The following CUX1 variants were observed in gnomAD, a reference collection of about 807,000 sequenced individuals.
CUX1 encodes the protein protein CASP.
CUX1 carries 31 observed loss-of-function variants against 158.8 expected under a neutral mutation model. The observed-to-expected ratio is 0.20, with a 90% CI of 0.15 to 0.26. The LOEUF is 0.26. Ranked by LOEUF, CUX1 falls within the 10% of genes least tolerant of loss-of-function variation. The pLI, the probability that CUX1 is intolerant of heterozygous loss-of-function variation, is 1.00. For missense variants in CUX1, 1,589 were observed against 2,014.6 expected, an observed-to-expected ratio of 0.79 and a Z score of 4.04; for synonymous variants, 879 against 862.1, an observed-to-expected ratio of 1.02 and a Z score of -0.34.
At chr7:101,917,199 T>C (rs1360856283) in intron 2 of CUX1, among the ~76,000 whole-genome samples, 1 of 152,236 alleles carries the variant, frequency 6.6e-6, no homozygotes, top group East Asian at 1.9e-4. Context: ...GCCCCTCTCT[T>C]ACTTACATAA....
At chr7:102,140,103 A>C (rs1834288911) in intron 8 of CUX1, among the ~76,000 whole-genome samples, 1 of 152,190 alleles carries the variant, frequency 6.6e-6, no homozygotes, top group Admixed American at 6.5e-5. Context: ...TAAAGCTCTT[A>C]AGTGAAGTCT....
intron 1 of CUX1, among the ~76,000 whole-genome samples, chr7:101,849,889 A>G (rs1277692070): frequency 6.7e-6 from 1 of 149,420 alleles, no homozygotes; most frequent in African/African-American, 2.5e-5. Flanking sequence ...CCGGTATGAG[A>G]CAGTATCTCA....
chr7:102,256,286 G>A lies in CUX1; in HGVS notation c.*7244G>A. 1 of 985,378 alleles carries A rather than the reference G, an allele frequency of 1.0e-6. No homozygotes were observed. The highest frequency in any genetic ancestry group is 1.2e-6 in the Non-Finnish European group (1 of 829,936). The allele number at this position is 985,378 out of a possible 1,614,324, so 61.0% of individuals were successfully genotyped here. A position where few individuals can be genotyped will look rare whatever the true frequency, so the allele number is the denominator to read the frequency against. On this transcript the variant is annotated 3_prime_UTR_variant, in exon 24 of 24. Coordinates refer to ENST00000292535, the MANE Select transcript of CUX1 (RefSeq NM_181552.4). ...GCTACTGACCTGCCGGCGTGCGTGA[G>A]GGTGATTATAAAAGGATGTTTCCTT...
At chr7:102,196,504 C>A in intron 14 of CUX1, 130 bp from the exon 15 acceptor site, 1 of 798,558 alleles carries the variant, frequency 1.3e-6, no homozygotes, top group Non-Finnish European at 1.9e-6. Context: ...ACCTCATTGG[C>A]CCTTGTAAAA....
Position 102,254,754 on chromosome 7 carries a change from C to A in CUX1, c.*5712C>A. 1.0e-6 allele frequency: 1 copy of A among 985,460 alleles called. No homozygotes were observed. The highest frequency in any genetic ancestry group is 1.2e-6 in the Non-Finnish European group (1 of 829,970). The allele number at this position is 985,460 out of a possible 1,614,324, so 61.0% of individuals were successfully genotyped here. A position where few individuals can be genotyped will look rare whatever the true frequency, so the allele number is the denominator to read the frequency against. Reference sequence around the variant, plus strand: ...AGGGCAGGGCTTGTGCCCTGAGTGGCGAGGTGGTGACCTGAGGCCAGTGTG... The same window carrying A: ...AGGGCAGGGCTTGTGCCCTGAGTGGAGAGGTGGTGACCTGAGGCCAGTGTG... On this transcript the variant is annotated 3_prime_UTR_variant, in exon 24 of 24. Coordinates refer to ENST00000292535, the MANE Select transcript of CUX1 (RefSeq NM_181552.4).
chr7:101,895,891 G>GTTTT (rs66481506), intron 1 of CUX1, among the ~76,000 whole-genome samples: 4 of 112,716 alleles, frequency 3.5e-5, no homozygotes, highest in African/African-American at 1.1e-4. Flanking sequence ...CACCTGTAAA[G>GTTTT]TTTTTTTTTT....
intron 5 of CUX1, among the ~76,000 whole-genome samples, chr7:102,098,439 C>G (rs187856582): frequency 7.1e-4 from 108 of 152,192 alleles, no homozygotes; most frequent in African/African-American, 2.2e-3. Context: ...TAGCAATACT[C>G]TGTCTCTACA....
intron 1 of CUX1, among the ~76,000 whole-genome samples, chr7:101,896,264 G>T (rs1414671456): frequency 6.6e-6 from 1 of 152,100 alleles, no homozygotes; most frequent in Non-Finnish European, 1.5e-5. Flanking sequence ...CTTGCAGGTC[G>T]TGGGCAGCCT....
At position 102,249,007 on chromosome 7, in the gene CUX1, G is replaced by T; in HGVS notation, c.4483G>T (p.Ala1495Ser). The part of the protein sequence containing the change: ...NSIIHRLEKA[A>S]SREEPIEWEF ...CATCATCCACCGCCTGGAGAAGGCCGCCAGCCGGGAGGAACCTATCGAATG... is the reference window on the plus strand; with the variant it reads ...CATCATCCACCGCCTGGAGAAGGCCTCCAGCCGGGAGGAACCTATCGAATG... The change falls in exon 24 of 24, where the codon GCC becomes TCC. Residue 1495 changes from alanine to serine, a missense_variant. Ala to Ser is a moderately conservative substitution (Grantham distance 99). Coordinates refer to ENST00000292535, the MANE Select transcript of CUX1 (RefSeq NM_181552.4). 1 of 1,399,852 alleles carries T rather than the reference G, an allele frequency of 7.1e-7. No homozygotes were observed. Among genetic ancestry groups the T allele is most frequent in the Non-Finnish European group, 9.4e-7 (1 of 1,065,546 alleles). 86.7% of individuals were successfully genotyped at this position (1,399,852 alleles called of 1,614,324 possible).
intron 3 of CUX1, among the ~76,000 whole-genome samples, chr7:102,058,812 C>T (rs1274514518): frequency 2.0e-5 from 3 of 152,174 alleles, no homozygotes; most frequent in Admixed American, 6.5e-5. Context: ...GGGATTTACC[C>T]GAGGGAGGTA....
intron 23 of CUX1, among the ~76,000 whole-genome samples, chr7:102,246,713 G>T (rs1013565898): frequency 5.3e-5 from 8 of 152,098 alleles, no homozygotes; most frequent in African/African-American, 1.9e-4. Flanking sequence ...GGGATTACAG[G>T]TACCTGCCAC....
At chr7:102,026,406 A>G (rs1225065192) in intron 2 of CUX1, among the ~76,000 whole-genome samples, 1 of 152,160 alleles carries the variant, frequency 6.6e-6, no homozygotes, top group Non-Finnish European at 1.5e-5. Flanking sequence ...GAATAAGAAG[A>G]CTTTTTCATC....
chr7:101,823,494 C>T (rs533441038), intron 1 of CUX1, among the ~76,000 whole-genome samples: 4 of 152,244 alleles, frequency 2.6e-5, no homozygotes, highest in South Asian at 2.1e-4. Context: ...CTCCATCAGC[C>T]GAAGCTTGAG....
At chr7:101,952,938 C>T (rs1288185814) in intron 2 of CUX1, among the ~76,000 whole-genome samples, 1 of 152,198 alleles carries the variant, frequency 6.6e-6, no homozygotes, top group Non-Finnish European at 1.5e-5. Flanking sequence ...ACATTTTATC[C>T]GTCTGTTTAC....
chr7:101,979,657 C>CT lies in CUX1; in HGVS notation c.142-48431dup, dbSNP rs1003201476. On this transcript the variant is annotated intron_variant, in intron 2 of 23. Coordinates refer to ENST00000292535, the MANE Select transcript of CUX1 (RefSeq NM_181552.4). The stretch of plus-strand genomic sequence containing the variant: ...GGCTCAGGTGTTTTCTTTCTTTTTT[C>CT]TTTTTTTTTTGAGACGGAGTCTTGC... Among the ~76,000 whole-genome samples the CT allele has an allele frequency of 2.3e-3, 335 of 148,684 alleles. 1 individual carries two copies. The East Asian group carries it at 0.03, about 13-fold the overall frequency.
chr7:102,006,786 A>G (rs1372336150), intron 2 of CUX1, among the ~76,000 whole-genome samples: 1 of 152,224 alleles, frequency 6.6e-6, no homozygotes, highest in Non-Finnish European at 1.5e-5. Flanking sequence ...TGACGGGCAG[A>G]TGTGGAATAA....
chr7:102,010,414 A>C (rs1168308709), intron 2 of CUX1, among the ~76,000 whole-genome samples: 1 of 151,882 alleles, frequency 6.6e-6, no homozygotes, highest in Non-Finnish European at 1.5e-5. Context: ...AAAAAAAAAA[A>C]AAACTGACTT....
In CUX1 at chr7:102,071,037, C is replaced by G. The variant is rs1000071967; in HGVS notation, c.268+620C>G. 5.1e-4 allele frequency among the ~76,000 whole-genome samples: 77 copies of G among 152,238 alleles called. 1 individual carries two copies. Among genetic ancestry groups the G allele is most frequent in the African/African-American group, 1.6e-3 (67 of 41,542 alleles). On this transcript the variant is annotated intron_variant, in intron 4 of 23. Coordinates refer to ENST00000292535, the MANE Select transcript of CUX1 (RefSeq NM_181552.4). ...GTGGCACAATCTCCGCTCACTGCAA[C>G]CTGCACCTCCCGGGCTCAAGCGATC... is the stretch of plus-strand genomic sequence containing the variant.
intron 3 of CUX1, among the ~76,000 whole-genome samples, chr7:102,066,733 A>T (rs1339508407): frequency 6.6e-6 from 1 of 152,206 alleles, no homozygotes; most frequent in Non-Finnish European, 1.5e-5. Flanking sequence ...CTCTCTTAGA[A>T]GAGCCCCAGG....
Sources: allele counts gnomAD v4.1 joint callset (sites outside exome capture counted in the v4.1 genomes callset), GRCh38; gene constraint gnomAD v4.1.1; transcripts MANE v1.5; gene names NCBI Gene and HGNC (gene_info 2026-07-23, HGNC 2026-07-21).